Variants in ADAMTS12 observed in about 807,000 individuals in gnomAD.
ADAMTS12 encodes the protein A disintegrin and metalloproteinase with thrombospondin motifs 12.
Under a neutral mutation model 167.8 loss-of-function variants are expected in ADAMTS12, and 118 were observed. The ratio of observed to expected loss-of-function variants is 0.70; its 90% CI spans 0.61 to 0.82. The LOEUF is 0.82. Among genes scored for constraint, ADAMTS12 ranks in the 40% least tolerant of loss-of-function variants. The probability of loss-of-function intolerance (pLI) is 0.00; values close to 1 mark genes in which losing one functional copy is unlikely to be tolerated. For missense variants in ADAMTS12, 1,916 were observed against 1,998.8 expected (o/e 0.96, Z 0.79); for synonymous variants, 704 against 716.9 (o/e 0.98, Z 0.29).
Position 33,802,937 on chromosome 5 carries a change from CA to C in ADAMTS12, c.490-51390del, listed in dbSNP as rs139514239. On this transcript the variant is annotated intron_variant, in intron 2 of 23. Coordinates refer to ENST00000504830, the MANE Select transcript of ADAMTS12 (RefSeq NM_030955.4). ...TTACTGAGGAACTCTACATGCCAGA[CA>C]ATTAACTAGGTACTTGAGATCCAAA... is the stretch of plus-strand genomic sequence containing the variant. Among the ~76,000 whole-genome samples, 407 of 152,270 alleles carry C rather than the reference CA, an allele frequency of 2.7e-3. 3 individuals are homozygous for C. The highest frequency in any genetic ancestry group is 9.3e-3 in the African/African-American group (386 of 41,544).
intron 3 of ADAMTS12, 148 bp downstream of exon 3, chr5:33,751,256 A>G: frequency 5.0e-6 from 5 of 992,716 alleles, no homozygotes; most frequent in South Asian, 1.6e-5. Context: ...AAGAGAATAC[A>G]GAAGAGATTT....
chr5:33,611,112 GAA>G (rs887916551), intron 16 of ADAMTS12, among the ~76,000 whole-genome samples: 98 of 151,762 alleles, frequency 6.5e-4, no homozygotes, highest in African/African-American at 2.4e-3. Flanking sequence ...AATGTTGAGG[GAA>G]AAAAAAGACA....
At chr5:33,882,438 C>T (rs1434433393) in intron 1 of ADAMTS12, among the ~76,000 whole-genome samples, 1 of 152,208 alleles carries the variant, frequency 6.6e-6, no homozygotes, top group Non-Finnish European at 1.5e-5. Flanking sequence ...CTTCCCCACA[C>T]AAGAACACAT....
chr5:33,611,156 C>T (rs1316921836), intron 16 of ADAMTS12, among the ~76,000 whole-genome samples: 1 of 152,128 alleles, frequency 6.6e-6, no homozygotes, highest in Admixed American at 6.5e-5. Flanking sequence ...ATACTATTTG[C>T]AGAAAGCTTA....
intron 11 of ADAMTS12, among the ~76,000 whole-genome samples, chr5:33,639,798 T>C: frequency 6.6e-6 from 1 of 152,184 alleles, no homozygotes; most frequent in Non-Finnish European, 1.5e-5. Context: ...CTGCTGTACT[T>C]TGTTCTCCTT....
chr5:33,868,768 G>A (rs1749922304), intron 2 of ADAMTS12, among the ~76,000 whole-genome samples: 1 of 152,208 alleles, frequency 6.6e-6, no homozygotes, highest in African/African-American at 2.4e-5. Flanking sequence ...TAAACATTAT[G>A]ACATTTGTTT....
intron 19 of ADAMTS12, among the ~76,000 whole-genome samples, chr5:33,571,672 A>G (rs1344001545): frequency 6.6e-6 from 1 of 150,872 alleles, no homozygotes; most frequent in African/African-American, 2.4e-5. Flanking sequence ...ACACCCTAAC[A>G]TCACAATTAA....
intron 16 of ADAMTS12, among the ~76,000 whole-genome samples, chr5:33,596,927 T>A (rs1238095298): frequency 6.6e-6 from 1 of 152,194 alleles, no homozygotes; most frequent in Admixed American, 6.5e-5. Context: ...AGAGACCAGG[T>A]AGTTAATGTA....
intron 3 of ADAMTS12, 92 bp downstream of exon 3, chr5:33,751,312 G>C: frequency 1.3e-6 from 2 of 1,505,452 alleles, no homozygotes; most frequent in Non-Finnish European, 1.8e-6. Context: ...GAGGAGATAA[G>C]AGACTTGAGT....
intron 16 of ADAMTS12, among the ~76,000 whole-genome samples, chr5:33,596,283 G>T (rs1737867183): frequency 6.6e-6 from 1 of 152,170 alleles, no homozygotes; most frequent in Admixed American, 6.5e-5. Flanking sequence ...AGGAAAAACT[G>T]TAGATCATAG....
intron 20 of ADAMTS12, among the ~76,000 whole-genome samples, 175 bp from the exon 21 acceptor site, chr5:33,549,558 C>A (rs539270254): frequency 6.6e-6 from 1 of 152,336 alleles, no homozygotes; most frequent in East Asian, 1.9e-4. Context: ...CAGCAGCTCC[C>A]GATGTCGGGA....
intron 2 of ADAMTS12, among the ~76,000 whole-genome samples, chr5:33,858,162 T>C (rs963540028): frequency 3.3e-5 from 5 of 152,162 alleles, no homozygotes; most frequent in African/African-American, 1.2e-4. Flanking sequence ...AAAATGGAAT[T>C]CAATAACAGA....
chr5:33,787,732 C>A (rs1746380728), intron 2 of ADAMTS12, among the ~76,000 whole-genome samples: 1 of 152,200 alleles, frequency 6.6e-6, no homozygotes, highest in Non-Finnish European at 1.5e-5. Flanking sequence ...GCCCCCACCT[C>A]CTCAATGTCC....
chr5:33,776,847 T>A (rs1745930320), intron 2 of ADAMTS12, among the ~76,000 whole-genome samples: 1 of 152,048 alleles, frequency 6.6e-6, no homozygotes, highest in Admixed American at 6.6e-5. Context: ...GAGGAGCCAT[T>A]TCAGTTGATA....
intron 16 of ADAMTS12, 150 bp from the exon 17 acceptor site, chr5:33,596,210 A>G: frequency 2.1e-6 from 2 of 945,192 alleles, no homozygotes; most frequent in Non-Finnish European, 1.6e-6. Flanking sequence ...GGGATGAAGA[A>G]TAGGGACCTC....
rs564216349 is a variant in ADAMTS12, at chr5:33,684,257, T to A, written c.635-202A>T. On this transcript the variant is annotated intron_variant, in intron 3 of 23. Transcript: ENST00000504830. The stretch of plus-strand genomic sequence containing the variant: ...GAATCTTACAGAGAGGTTCAAAAAG[T>A]ACTTTATAAAAATGTTTCTTACCTA... 4.6e-5 allele frequency among the ~76,000 whole-genome samples: 7 copies of A among 151,106 alleles called. No individual in the cohort carries two copies. In the South Asian group the frequency reaches 1.5e-3, roughly 31 times the overall value.
In ADAMTS12 at chr5:33,891,750, C is replaced by T; in HGVS notation, c.107G>A (p.Arg36His). 6.2e-7 allele frequency: 1 copy of T among 1,614,180 alleles called. No individual in the cohort carries two copies. Among genetic ancestry groups the T allele is most frequent in the South Asian group, 1.1e-5 (1 of 91,076 alleles). ...YGRQPQPGPV[R>H]FPDRRQEHFI... is the part of the protein sequence containing the mutation. Reference sequence around the variant, plus strand: ...CTAACCTTGCCTCCTGTCCGGGAAGCGAACCGGGCCTGGCTGAGGCTGTCT... The same window carrying T: ...CTAACCTTGCCTCCTGTCCGGGAAGTGAACCGGGCCTGGCTGAGGCTGTCT... Residue 36 changes from arginine (R) to histidine (H), a missense_variant, in exon 1 of 24, where the codon CGC becomes CAC. Transcript: ENST00000504830.
intron 2 of ADAMTS12, among the ~76,000 whole-genome samples, chr5:33,850,059 G>A (rs544535435): frequency 6.6e-6 from 1 of 152,238 alleles, no homozygotes; most frequent in East Asian, 1.9e-4. Flanking sequence ...AAACGAAGGG[G>A]GAAAAGCCTA....
At position 33,595,988 on chromosome 5, in the gene ADAMTS12, TCTGGGTCACAGAATGTAG is replaced by T; in HGVS notation, c.2582_2599del (p.Ala861_Pro866del). On this transcript the variant is annotated inframe_deletion, in exon 17 of 24. Transcript: ENST00000504830. ...CTTCTGTCTCCCATTGGGCTGTGTTTCTGGGTCACAGAATGTAGCTTTCACCATCCCGCGGCCCTTCTT... is the reference window on the plus strand; with the variant it reads ...CTTCTGTCTCCCATTGGGCTGTGTTTCTTTCACCATCCCGCGGCCCTTCTT... The T allele has an allele frequency of 6.2e-7, 1 of 1,614,156 alleles. No individual in the cohort carries two copies. The highest frequency in any genetic ancestry group is 8.5e-7 in the Non-Finnish European group (1 of 1,180,000).
Sources: gnomAD v4.1 joint callset for allele counts (sites outside exome capture counted in the v4.1 genomes callset) on GRCh38, gnomAD v4.1.1 for gene constraint, MANE v1.5 for transcripts, NCBI Gene and HGNC (gene_info 2026-07-23, HGNC 2026-07-21) for gene names.